The following PTPRD variants were observed in gnomAD, a reference collection of about 807,000 sequenced individuals.
The protein encoded by PTPRD is protein tyrosine phosphatase receptor type D, also known as receptor-type tyrosine-protein phosphatase delta.
Under a neutral mutation model 214.5 loss-of-function variants are expected in PTPRD, and 34 were observed. The ratio of observed to expected loss-of-function variants is 0.16; its 90% CI spans 0.12 to 0.21. The LOEUF is 0.21. Among genes scored for constraint, PTPRD ranks in the 10% least tolerant of loss-of-function variants. The pLI, the probability that PTPRD is intolerant of heterozygous loss-of-function variation, is 1.00. For missense variants in PTPRD, 2,545 were observed against 2,398.7 expected (o/e 1.06, Z -1.27); for synonymous variants, 1,128 against 845.7 (o/e 1.33, Z -5.79).
At chr9:9,772,929 C>T (rs1464397843) in intron 5 of PTPRD, among the ~76,000 whole-genome samples, 1 of 152,164 alleles carries the variant, frequency 6.6e-6, no homozygotes, top group African/African-American at 2.4e-5. Flanking sequence ...TCTGATCATC[C>T]ATTTCAGTAC....
At chr9:10,340,657 G>C (rs1479762085) in intron 3 of PTPRD, among the ~76,000 whole-genome samples, 2 of 151,794 alleles carry the variant, frequency 1.3e-5, no homozygotes, top group South Asian at 2.1e-4. Flanking sequence ...CAATATTTTT[G>C]TGAGGATTAA....
chr9:9,501,155 T>C (rs1737613187), intron 8 of PTPRD, among the ~76,000 whole-genome samples: 2 of 151,910 alleles, frequency 1.3e-5, no homozygotes, highest in Admixed American at 6.6e-5. Context: ...TATAATAATA[T>C]GAATAATTAC....
intron 14 of PTPRD, among the ~76,000 whole-genome samples, chr9:8,595,055 T>C (rs1594821068): frequency 6.6e-6 from 1 of 151,458 alleles, no homozygotes; most frequent in African/African-American, 2.4e-5. Context: ...AGTAGAGACG[T>C]GGTTTCTCCG....
chr9:10,097,051 T>A (rs1226597550), intron 3 of PTPRD, among the ~76,000 whole-genome samples: 1 of 151,684 alleles, frequency 6.6e-6, no homozygotes, highest in Non-Finnish European at 1.5e-5. Context: ...TAGTTGTAGA[T>A]ATGCAGCATT....
intron 3 of PTPRD, among the ~76,000 whole-genome samples, chr9:10,090,316 T>A (rs754955999): frequency 1.3e-5 from 2 of 151,560 alleles, no homozygotes; most frequent in Non-Finnish European, 3.0e-5. Context: ...CCAGACTAGC[T>A]TATTCACCAA....
At chr9:8,354,723 C>T (rs769195349) in intron 39 of PTPRD, among the ~76,000 whole-genome samples, 2 of 152,190 alleles carry the variant, frequency 1.3e-5, no homozygotes, top group Non-Finnish European at 2.9e-5. Context: ...AGACTTGGGT[C>T]CACGTCTCCC....
intron 10 of PTPRD, among the ~76,000 whole-genome samples, chr9:9,078,910 G>T (rs1211113766): frequency 6.6e-6 from 1 of 151,964 alleles, no homozygotes; most frequent in Non-Finnish European, 1.5e-5. Context: ...TCAGATCAGG[G>T]TAATTAGCAT....
chr9:8,815,800 C>T (rs1014974101), intron 11 of PTPRD, among the ~76,000 whole-genome samples: 1 of 152,078 alleles, frequency 6.6e-6, no homozygotes, highest in African/African-American at 2.4e-5. Flanking sequence ...GGACCTAAAT[C>T]AAGGGGTGAA....
chr9:10,219,394 C>G (rs1183882520), intron 3 of PTPRD, among the ~76,000 whole-genome samples: 3 of 151,820 alleles, frequency 2.0e-5, no homozygotes, highest in Non-Finnish European at 4.4e-5. Context: ...TGTCAAGATT[C>G]TTTTTCCAGC....
At chr9:10,344,532 C>A (rs1366650837) in intron 2 of PTPRD, among the ~76,000 whole-genome samples, 2 of 151,940 alleles carry the variant, frequency 1.3e-5, no homozygotes, top group Non-Finnish European at 2.9e-5. Flanking sequence ...TGGTTTCATA[C>A]AAACTTTAAA....
At chr9:8,472,233 T>G (rs2096666671) in intron 30 of PTPRD, among the ~76,000 whole-genome samples, 1 of 152,088 alleles carries the variant, frequency 6.6e-6, no homozygotes, top group South Asian at 2.1e-4. Context: ...TTCTAAGGAC[T>G]CCATACACTT....
intron 11 of PTPRD, among the ~76,000 whole-genome samples, chr9:8,887,134 A>G (rs1234280673): frequency 6.6e-6 from 1 of 152,166 alleles, no homozygotes. Flanking sequence ...CACATCATCT[A>G]GTACATATAA....
At chr9:9,836,873 C>A (rs13288990) in intron 5 of PTPRD, among the ~76,000 whole-genome samples, 1 of 152,004 alleles carries the variant, frequency 6.6e-6, no homozygotes, top group South Asian at 2.1e-4. Context: ...TAGAAAACTA[C>A]CATATCAAGA....
chr9:8,742,500 G>A (rs2092162184), intron 11 of PTPRD, among the ~76,000 whole-genome samples: 1 of 152,030 alleles, frequency 6.6e-6, no homozygotes, highest in Non-Finnish European at 1.5e-5. Flanking sequence ...CAAAATATCT[G>A]TAAAATACAT....
intron 7 of PTPRD, among the ~76,000 whole-genome samples, chr9:9,682,926 C>A (rs1338271870): frequency 6.6e-6 from 1 of 151,802 alleles, no homozygotes; most frequent in African/African-American, 2.4e-5. Flanking sequence ...ATGGGGAATG[C>A]CACTGGAAAG....
chr9:9,911,190 T>C (rs764794930), intron 5 of PTPRD, among the ~76,000 whole-genome samples: 9 of 152,030 alleles, frequency 5.9e-5, no homozygotes, highest in Non-Finnish European at 1.0e-4. Context: ...TTTGGGAAGG[T>C]AGACAGCTAT....
At chr9:8,591,731 C>A (rs941273595) in intron 14 of PTPRD, among the ~76,000 whole-genome samples, 62 of 152,164 alleles carry the variant, frequency 4.1e-4, no homozygotes, top group African/African-American at 1.5e-3. Context: ...GAGAGCAAAC[C>A]AAACTAGAAA....
intron 7 of PTPRD, among the ~76,000 whole-genome samples, chr9:9,584,763 C>T (rs2091619343): frequency 1.3e-5 from 2 of 151,892 alleles, no homozygotes; most frequent in Non-Finnish European, 2.9e-5. Context: ...CAACAAATTT[C>T]TCATTCTCCC....
chr9:8,340,300 A>G, intron 42 of PTPRD, 43 bp downstream of exon 42: 2 of 1,537,982 alleles, frequency 1.3e-6, no homozygotes, highest in Non-Finnish European at 1.8e-6. Flanking sequence ...TTCTCCACAG[A>G]GTAAATGTCT....
Sources: allele counts gnomAD v4.1 joint callset (sites outside exome capture counted in the v4.1 genomes callset), GRCh38; gene constraint gnomAD v4.1.1; transcripts MANE v1.5; gene names NCBI Gene and HGNC (gene_info 2026-07-23, HGNC 2026-07-21).